The following SAXO5 variants were observed in gnomAD, a reference collection of about 807,000 sequenced individuals.
SAXO5 encodes the protein testis expressed 45.
the SAXO5 span, chr19:7,505,775 C>A: frequency 1.1e-6 from 1 of 927,390 alleles, no homozygotes; most frequent in Non-Finnish European, 1.6e-6. Context: ...AGTCACTTAA[C>A]CACTCCGATC....
chr19:7,508,305 C>G, the SAXO5 span: 1 of 1,614,046 alleles, frequency 6.2e-7, no homozygotes, highest in Admixed American at 1.7e-5. Flanking sequence ...CCCAGCAGCC[C>G]TGAGACTGAA....
chr19:7,501,135 A>G, the SAXO5 span: 3 of 1,507,774 alleles, frequency 2.0e-6, no homozygotes, highest in South Asian at 3.7e-5. Flanking sequence ...GCGGGAACGC[A>G]CGCTCGCCAT....
chr19:7,499,984 T>C, the SAXO5 span: 2 of 88,508 alleles, frequency 2.3e-5, no homozygotes, highest in African/African-American at 8.5e-5. Context: ...GGTCCCACTA[T>C]ATTGCCCAGG....
chr19:7,501,952 T>C, the SAXO5 span, among the ~76,000 whole-genome samples: 1 of 142,008 alleles, frequency 7.0e-6, no homozygotes, highest in Non-Finnish European at 1.5e-5. Flanking sequence ...ACTTGGGGGG[T>C]GGCGAGGCCA....
At chr19:7,508,320 C>T in the SAXO5 span, 3 of 1,614,044 alleles carry the variant, frequency 1.9e-6, no homozygotes, top group Non-Finnish European at 2.5e-6. Flanking sequence ...ACTGAAAAAT[C>T]CTCAGGAGGG....
the SAXO5 span, chr19:7,507,202 T>TGC: frequency 7.1e-7 from 1 of 1,417,158 alleles, no homozygotes; most frequent in Non-Finnish European, 9.9e-7. Flanking sequence ...TGTAGAGTTA[T>TGC]CTCAGGACGA....
chr19:7,502,858 G>T, the SAXO5 span, among the ~76,000 whole-genome samples: 1 of 152,136 alleles, frequency 6.6e-6, no homozygotes, highest in Non-Finnish European at 1.5e-5. Context: ...TTAACAAAGA[G>T]TAGCCAGCAT....
chr19:7,498,698 C>A, the SAXO5 span, among the ~76,000 whole-genome samples: 1 of 152,088 alleles, frequency 6.6e-6, no homozygotes, highest in Non-Finnish European at 1.5e-5. Context: ...CCCGTCTGAT[C>A]CATGTTTTCT....
chr19:7,501,773 A>G, the SAXO5 span, among the ~76,000 whole-genome samples: 1 of 151,972 alleles, frequency 6.6e-6, no homozygotes, highest in South Asian at 2.1e-4. Context: ...GTGAGCTGAG[A>G]TTGTGCCACC....
At chr19:7,503,691 A>C in the SAXO5 span, among the ~76,000 whole-genome samples, 246 of 152,176 alleles carry the variant, frequency 1.6e-3, 1 homozygote, top group African/African-American at 5.5e-3. Flanking sequence ...CACCGTATTG[A>C]TCAGGCTGGT....
At chr19:7,500,919 C>T in the SAXO5 span, 1 of 1,583,700 alleles carries the variant, frequency 6.3e-7, no homozygotes. Flanking sequence ...GCCTGACCTG[C>T]GGCTGCACGA....
the SAXO5 span, chr19:7,506,042 A>G: frequency 6.2e-7 from 1 of 1,613,666 alleles, no homozygotes; most frequent in Non-Finnish European, 8.5e-7. Context: ...AGGGGAGCCA[A>G]AGCTACTCAA....
At chr19:7,503,750 G>T in the SAXO5 span, among the ~76,000 whole-genome samples, 1 of 152,036 alleles carries the variant, frequency 6.6e-6, no homozygotes, top group African/African-American at 2.4e-5. Context: ...CTCTCAAAGT[G>T]CTGGGATTAC....
chr19:7,505,968 C>T, the SAXO5 span: 3 of 1,579,512 alleles, frequency 1.9e-6, no homozygotes, highest in Admixed American at 3.6e-5. Flanking sequence ...CTACAGCCGC[C>T]ACCCCCGACC....
chr19:7,506,269 C>G, the SAXO5 span: 3 of 1,024,322 alleles, frequency 2.9e-6, no homozygotes, highest in Non-Finnish European at 4.3e-6. Flanking sequence ...GCCCCGCCCC[C>G]ACGGAGCCCC....
At chr19:7,498,432 TGTTGCC>T in the SAXO5 span, among the ~76,000 whole-genome samples, 2 of 150,492 alleles carry the variant, frequency 1.3e-5, no homozygotes, top group African/African-American at 4.9e-5. Flanking sequence ...GTTTCGCTCT[TGTTGCC>T]CAGGCTGGAG....
chr19:7,505,662 G>T, the SAXO5 span: 1 of 1,588,688 alleles, frequency 6.3e-7, no homozygotes, highest in East Asian at 2.2e-5. Flanking sequence ...CAGGGAAAAG[G>T]GCTTCCCAGA....
At chr19:7,508,169 A>G in the SAXO5 span, 2 of 1,586,276 alleles carry the variant, frequency 1.3e-6, no homozygotes, top group African/African-American at 2.7e-5. Context: ...GCCACCTCCC[A>G]GGCTGCCCTG....
At chr19:7,498,020 G>A in the SAXO5 span, among the ~76,000 whole-genome samples, 4 of 151,606 alleles carry the variant, frequency 2.6e-5, no homozygotes, top group Admixed American at 6.6e-5. Flanking sequence ...GCGTGGTGGC[G>A]GACACCTACA....
Sources: gnomAD v4.1 joint callset for allele counts (sites outside exome capture counted in the v4.1 genomes callset) on GRCh38, gnomAD v4.1.1 for gene constraint, MANE v1.5 for transcripts, NCBI Gene and HGNC (gene_info 2026-07-23, HGNC 2026-07-21) for gene names.